The following RPTOR variants were observed in gnomAD, a reference collection of about 807,000 sequenced individuals.
RPTOR encodes the protein regulatory-associated protein of mTOR.
In RPTOR, 21 loss-of-function variants were observed where a neutral mutation model predicts 169.9. That is an observed-to-expected ratio of 0.12 (90% CI 0.09 to 0.18). RPTOR has a LOEUF of 0.18. RPTOR is among the 10% of genes least tolerant of loss of function. The pLI, the probability that RPTOR is intolerant of heterozygous loss-of-function variation, is 1.00. For missense variants in RPTOR, 1,133 were observed against 1,855.9 expected (o/e 0.61, Z 7.16); for synonymous variants, 732 against 753.2 (o/e 0.97, Z 0.46).
chr17:80,706,593 C>T (rs59460676), intron 3 of RPTOR, among the ~76,000 whole-genome samples: 13,734 of 152,242 alleles, frequency 0.09, 700 homozygotes, highest in African/African-American at 0.14. Context: ...GTGTGAGTTC[C>T]CTGGGCTGCT....
At chr17:80,596,418 C>T (rs181946877) in intron 1 of RPTOR, among the ~76,000 whole-genome samples, 7 of 151,874 alleles carry the variant, frequency 4.6e-5, no homozygotes, top group Admixed American at 2.6e-4. Context: ...CTATTAGGTT[C>T]GACTTTTTTT....
At chr17:80,846,355 G>A (rs377090007) in intron 10 of RPTOR, 118 bp from the exon 11 acceptor site, 22 of 947,584 alleles carry the variant, frequency 2.3e-5, no homozygotes, top group Middle Eastern at 2.4e-4. Flanking sequence ...GCATCCTCGC[G>A]GCCCTGCAGG....
chr17:80,908,112 C>T (rs532717488), intron 20 of RPTOR, among the ~76,000 whole-genome samples: 4 of 152,182 alleles, frequency 2.6e-5, no homozygotes, highest in Admixed American at 6.5e-5. Flanking sequence ...GAATCCTCAC[C>T]GACGAAGCCT....
In RPTOR at chr17:80,844,833, C is replaced by T. The variant is rs772949249; in HGVS notation, c.1213-1640C>T. The stretch of plus-strand genomic sequence containing the variant: ...CTGGAACCCGGGGCACAGCCGACCC[C>T]GGCCAGATGAGCGGAGGGAGGGTTC... On this transcript the variant is annotated intron_variant, in intron 10 of 33. Transcript: ENST00000306801. This position sits in a 1 kb window ranked among gnomAD's most constrained non-coding sequence, Gnocchi z 4.7. Among the ~76,000 whole-genome samples, 3 of 152,196 alleles carry T rather than the reference C, an allele frequency of 2.0e-5. No homozygotes were observed. The highest frequency in any genetic ancestry group is 6.5e-5 in the Admixed American group (1 of 15,286).
chr17:80,567,518 G>A (rs537335215), intron 1 of RPTOR, among the ~76,000 whole-genome samples: 70 of 151,922 alleles, frequency 4.6e-4, no homozygotes, highest in African/African-American at 1.6e-3. Context: ...CTGGCCGGGC[G>A]CGGTGGCTCA....
chr17:80,744,411 ACAGCC>A (rs1416666972), intron 5 of RPTOR, among the ~76,000 whole-genome samples: 1 of 106,992 alleles, frequency 9.3e-6, no homozygotes, highest in South Asian at 2.7e-4. Context: ...GGCTACTAGC[ACAGCC>A]CTGGCTACTA....
chr17:80,732,267 A>G (rs1412897619), intron 5 of RPTOR, among the ~76,000 whole-genome samples: 1 of 152,212 alleles, frequency 6.6e-6, no homozygotes, highest in Non-Finnish European at 1.5e-5. Flanking sequence ...TGGTTAAGGG[A>G]AAGACCAATA....
Position 80,855,456 on chromosome 17 carries a change from T to A in RPTOR, c.1315-8T>A, listed in dbSNP as rs2143744368. ...TGCAGTGATACCATTTTCTTCTTGTTCTTCCAGGTGCTGTTAAGCCAAGTG... is the reference window on the plus strand; with the variant it reads ...TGCAGTGATACCATTTTCTTCTTGTACTTCCAGGTGCTGTTAAGCCAAGTG... On this transcript the variant is annotated splice_polypyrimidine_tract_variant and splice_region_variant and intron_variant, in intron 11 of 33. Coordinates refer to ENST00000306801, the MANE Select transcript of RPTOR (RefSeq NM_020761.3). The A allele has an allele frequency of 6.2e-7, 1 of 1,610,292 alleles. No homozygotes were observed. Among genetic ancestry groups the A allele is most frequent in the East Asian group, 2.2e-5 (1 of 44,858 alleles).
Position 80,923,645 on chromosome 17 carries a change from G to A in RPTOR, c.2780G>A (p.Arg927Gln), listed in dbSNP as rs1334868419. The change falls in exon 23 of 34, where the codon CGG becomes CAG. Residue 927 changes from arginine (R) to glutamine (Q), a missense_variant. By Grantham distance (43) the Arg-to-Gln change is conservative. Coordinates refer to ENST00000306801, the MANE Select transcript of RPTOR (RefSeq NM_020761.3). ...CACTCCCACCAGTTCCCCCGGACACGGAAGATGTTCGACAAGGGCCCAGAG... is the reference window on the plus strand; with the variant it reads ...CACTCCCACCAGTTCCCCCGGACACAGAAGATGTTCGACAAGGGCCCAGAG... Reference protein sequence around the residue: ...TPHSHQFPRTRKMFDKGPEQT... With the variant: ...TPHSHQFPRTQKMFDKGPEQT... 3 of 1,607,200 alleles carry A rather than the reference G, an allele frequency of 1.9e-6. No individual in the cohort carries two copies. Among genetic ancestry groups the A allele is most frequent in the African/African-American group, 1.3e-5 (1 of 74,976 alleles).
In RPTOR at chr17:80,820,251, G is replaced by T. The variant is rs977168992; in HGVS notation, c.891-1950G>T. On this transcript the variant is annotated intron_variant, in intron 7 of 33. Transcript: ENST00000306801. The surrounding 1 kb of genome is among the most constrained non-coding windows in gnomAD (Gnocchi z 4.1). ...ACAGTCCTGCAGCTTGAAAGAGGCG[G>T]TGTTTTTGCGGAACAGTTATTGACG... Among the ~76,000 whole-genome samples the T allele has an allele frequency of 6.6e-6, 1 of 151,826 alleles. No homozygotes were observed. The highest frequency in any genetic ancestry group is 1.5e-5 in the Non-Finnish European group (1 of 67,952).
At chr17:80,869,124 A>G (rs746901168) in intron 13 of RPTOR, among the ~76,000 whole-genome samples, 14 of 152,192 alleles carry the variant, frequency 9.2e-5, no homozygotes, top group Non-Finnish European at 2.1e-4. Context: ...GGGACAGTCT[A>G]CAAAGAACTG....
chr17:80,925,558 A>G, intron 24 of RPTOR, 78 bp downstream of exon 24: 2 of 1,194,550 alleles, frequency 1.7e-6, no homozygotes, highest in African/African-American at 1.5e-5. Flanking sequence ...ATAAACGCTC[A>G]AGGCTTGTGG....
At position 80,844,827 on chromosome 17, in the gene RPTOR, C is replaced by T. The variant is rs1409185042; in HGVS notation, c.1213-1646C>T. ...CATTCACTGGAACCCGGGGCACAGC[C>T]GACCCCGGCCAGATGAGCGGAGGGA... On this transcript the variant is annotated intron_variant, in intron 10 of 33. Transcript: ENST00000306801. This position sits in a 1 kb window ranked among gnomAD's most constrained non-coding sequence, Gnocchi z 4.7. Among the ~76,000 whole-genome samples the T allele has an allele frequency of 3.9e-5, 6 of 152,188 alleles. No homozygotes were observed. Among genetic ancestry groups the T allele is most frequent in the East Asian group, 1.9e-4 (1 of 5,184 alleles).
At chr17:80,761,467 C>G (rs1409203517) in intron 6 of RPTOR, among the ~76,000 whole-genome samples, 1 of 152,144 alleles carries the variant, frequency 6.6e-6, no homozygotes, top group African/African-American at 2.4e-5. Flanking sequence ...CCTGCATTGC[C>G]CGCAGGAGAC....
At chr17:80,924,037 G>A (rs1202744063) in intron 23 of RPTOR, 3 of 316,162 alleles carry the variant, frequency 9.5e-6, no homozygotes, top group South Asian at 1.4e-4. Flanking sequence ...CCCTTCCTGG[G>A]CACACAGCAC....
chr17:80,632,263 C>T (rs536883533), intron 2 of RPTOR, among the ~76,000 whole-genome samples: 2 of 152,354 alleles, frequency 1.3e-5, no homozygotes, highest in South Asian at 4.1e-4. Context: ...TTCTCTTCCT[C>T]TACAGCAATG....
At chr17:80,626,808 TTA>T (rs2065398915) in intron 2 of RPTOR, among the ~76,000 whole-genome samples, 1 of 136,656 alleles carries the variant, frequency 7.3e-6, no homozygotes, top group African/African-American at 2.7e-5. Context: ...ATTATTATTA[TTA>T]TTTTTCATTC....
At position 80,625,686 on chromosome 17, in the gene RPTOR, T is replaced by C. The variant is rs746075022; in HGVS notation, c.163-5T>C. 2 of 1,594,628 alleles carry C rather than the reference T, an allele frequency of 1.3e-6. No homozygotes were observed. Among genetic ancestry groups the C allele is most frequent in the African/African-American group, 2.7e-5 (2 of 74,602 alleles). ...TTTATTTATTTTTTTCTGTTGTGTTTTCAGATGAAGACAGTCAGTGTTGCC... is the reference window on the plus strand; with the variant it reads ...TTTATTTATTTTTTTCTGTTGTGTTCTCAGATGAAGACAGTCAGTGTTGCC... On this transcript the variant is annotated splice_region_variant and splice_polypyrimidine_tract_variant and intron_variant, in intron 1 of 33. Coordinates refer to ENST00000306801, the MANE Select transcript of RPTOR (RefSeq NM_020761.3).
In RPTOR at chr17:80,753,410, G is replaced by A. The variant is rs566475149; in HGVS notation, c.655-600G>A. 7.6e-3 allele frequency among the ~76,000 whole-genome samples: 1,160 copies of A among 152,082 alleles called. 13 individuals carry two copies. Among genetic ancestry groups the A allele is most frequent in the African/African-American group, 0.027 (1,112 of 41,454 alleles). ...AGCACTTTGGGAGGCCGAGACGGGC[G>A]GATCACGAGGTCAGGAGATCGAGAC... On this transcript the variant is annotated intron_variant, in intron 5 of 33. Transcript: ENST00000306801.
Sources: gnomAD v4.1 joint callset for allele counts (sites outside exome capture counted in the v4.1 genomes callset) on GRCh38, gnomAD v4.1.1 for gene constraint, Gnocchi (gnomAD v3.1) non-coding constraint, MANE v1.5 for transcripts, NCBI Gene and HGNC (gene_info 2026-07-23, HGNC 2026-07-21) for gene names.